Variants in DLGAP2 observed in about 807,000 individuals in gnomAD.
The protein encoded by DLGAP2 is DLG associated protein 2.
A neutral mutation model predicts 100.3 loss-of-function variants in DLGAP2; 26 were observed. That is an observed-to-expected ratio of 0.26 (90% CI 0.19 to 0.36). The LOEUF (loss-of-function observed/expected upper bound fraction) is 0.36. Ranked by LOEUF, DLGAP2 falls within the 10% of genes least tolerant of loss-of-function variation. The probability of loss-of-function intolerance (pLI) is 1.00; values close to 1 mark genes in which losing one functional copy is unlikely to be tolerated. For missense variants in DLGAP2, 1,858 were observed against 1,453.2 expected (o/e 1.28, Z -4.53); for synonymous variants, 886 against 630.1 (o/e 1.41, Z -6.08).
At chr8:1,677,984 G>A (rs1242810320) in intron 11 of DLGAP2, among the ~76,000 whole-genome samples, 1 of 152,128 alleles carries the variant, frequency 6.6e-6, no homozygotes, top group Non-Finnish European at 1.5e-5. Flanking sequence ...ATCCCAAGTG[G>A]GTGTTATTTA....
chr8:1,267,432 G>A (rs146212999), intron 3 of DLGAP2, among the ~76,000 whole-genome samples: 3 of 149,690 alleles, frequency 2.0e-5, no homozygotes, highest in Admixed American at 6.6e-5. Context: ...CAGGTGTGGC[G>A]GCGGGCGCCT....
At chr8:904,505 A>G (rs2128998120) in intron 1 of DLGAP2, among the ~76,000 whole-genome samples, 1 of 152,296 alleles carries the variant, frequency 6.6e-6, no homozygotes, top group South Asian at 2.1e-4. Context: ...GGGCGATAGA[A>G]CAAGACTGTC....
chr8:993,975 T>C (rs1461895071), intron 2 of DLGAP2, among the ~76,000 whole-genome samples: 4 of 152,026 alleles, frequency 2.6e-5, no homozygotes, highest in Admixed American at 6.6e-5. Flanking sequence ...AGACTTAGTA[T>C]AGAGAATGAA....
chr8:1,052,123 G>A (rs186744130), intron 2 of DLGAP2, among the ~76,000 whole-genome samples: 99 of 152,222 alleles, frequency 6.5e-4, no homozygotes, highest in Non-Finnish European at 9.6e-4. Context: ...GCCCCAGAGT[G>A]CCTATTGTGG....
intron 2 of DLGAP2, among the ~76,000 whole-genome samples, chr8:1,214,342 T>G (rs77579007): frequency 0.021 from 3,173 of 152,310 alleles, 119 homozygotes; most frequent in African/African-American, 0.071. Flanking sequence ...CGTTTTTCCG[T>G]GAGCAGCCCA....
At chr8:824,619 T>C (rs576559517) in intron 1 of DLGAP2, among the ~76,000 whole-genome samples, 1 of 151,634 alleles carries the variant, frequency 6.6e-6, no homozygotes, top group African/African-American at 2.4e-5. Flanking sequence ...TCCCCTCTGG[T>C]GAAGATGACT....
At position 1,088,599 on chromosome 8, in the gene DLGAP2, C is replaced by T. The variant is rs115533931; in HGVS notation, c.74-170252C>T. On this transcript the variant is annotated intron_variant, in intron 2 of 14. Coordinates refer to ENST00000637795, the MANE Select transcript of DLGAP2 (RefSeq NM_001346810.2). ...TAGCTGTGGCTTCTTCCAGGGTCTC[C>T]GAAAGGCAAACAGGCAGAAGAACGT... 6.6e-3 allele frequency among the ~76,000 whole-genome samples: 1,010 copies of T among 152,202 alleles called. 9 individuals are homozygous for T. The highest frequency in any genetic ancestry group is 0.023 in the African/African-American group (966 of 41,492).
intron 1 of DLGAP2, among the ~76,000 whole-genome samples, chr8:842,004 C>G (rs1796992227): frequency 6.6e-6 from 1 of 152,178 alleles, no homozygotes; most frequent in Non-Finnish European, 1.5e-5. Context: ...ACCAGTGTGA[C>G]TACGGAAGAC....
At chr8:1,285,609 A>T (rs1016702365) in intron 3 of DLGAP2, among the ~76,000 whole-genome samples, 2 of 152,216 alleles carry the variant, frequency 1.3e-5, no homozygotes, top group African/African-American at 4.8e-5. Context: ...TACAATAATC[A>T]CTGCTTTTTC....
intron 1 of DLGAP2, among the ~76,000 whole-genome samples, chr8:776,824 C>G (rs923405928): frequency 6.6e-6 from 1 of 152,126 alleles, no homozygotes; most frequent in African/African-American, 2.4e-5. Flanking sequence ...AATGTATATT[C>G]TGTTGATTTG....
chr8:825,220 C>G (rs1796664449), intron 1 of DLGAP2, among the ~76,000 whole-genome samples: 1 of 152,320 alleles, frequency 6.6e-6, no homozygotes. Context: ...GCCCTGGACG[C>G]CTGAGAACCA....
chr8:1,485,937 G>A (rs1477416854), intron 3 of DLGAP2, among the ~76,000 whole-genome samples: 3 of 152,168 alleles, frequency 2.0e-5, no homozygotes, highest in Non-Finnish European at 4.4e-5. Flanking sequence ...TGAGGCAGGA[G>A]GATCGCTTGA....
chr8:1,372,701 C>T (rs1228450084), intron 3 of DLGAP2, among the ~76,000 whole-genome samples: 1 of 152,146 alleles, frequency 6.6e-6, no homozygotes, highest in Admixed American at 6.5e-5. Context: ...ACGGCGTGGG[C>T]TAGAGGAAGA....
intron 1 of DLGAP2, among the ~76,000 whole-genome samples, chr8:887,436 C>T (rs970652060): frequency 6.6e-6 from 1 of 152,144 alleles, no homozygotes; most frequent in African/African-American, 2.4e-5. Flanking sequence ...TGGTTATTTT[C>T]CACACTAGTT....
chr8:1,367,074 A>T (rs1263262346), intron 3 of DLGAP2, among the ~76,000 whole-genome samples: 1 of 152,120 alleles, frequency 6.6e-6, no homozygotes, highest in African/African-American at 2.4e-5. Flanking sequence ...AACACTGTTA[A>T]CATTTACGTA....
chr8:1,668,090 C>G (rs1377493797), intron 8 of DLGAP2, among the ~76,000 whole-genome samples: 1 of 152,230 alleles, frequency 6.6e-6, no homozygotes. Context: ...TGCAGGGACG[C>G]ACCTTGCTTA....
intron 1 of DLGAP2, among the ~76,000 whole-genome samples, chr8:835,214 A>G (rs1796850808): frequency 6.6e-6 from 1 of 152,304 alleles, no homozygotes; most frequent in African/African-American, 2.4e-5. Flanking sequence ...ATAAAACTTT[A>G]TTTGAAATAT....
At chr8:1,005,944 G>T (rs1283794181) in intron 2 of DLGAP2, among the ~76,000 whole-genome samples, 1 of 152,148 alleles carries the variant, frequency 6.6e-6, no homozygotes, top group Non-Finnish European at 1.5e-5. Flanking sequence ...TGGCGCGGTG[G>T]CTCACGTCTG....
chr8:740,671 G>C (rs1241799071), intron 1 of DLGAP2, among the ~76,000 whole-genome samples: 1 of 152,128 alleles, frequency 6.6e-6, no homozygotes, highest in Non-Finnish European at 1.5e-5. Flanking sequence ...AAGGGTGAGA[G>C]GATTTTGTTT....
Sources: gnomAD v4.1 joint callset for allele counts (sites outside exome capture counted in the v4.1 genomes callset) on GRCh38, gnomAD v4.1.1 for gene constraint, MANE v1.5 for transcripts, NCBI Gene and HGNC (gene_info 2026-07-23, HGNC 2026-07-21) for gene names.